ATXN2L: variants seen among roughly 807,000 people sequenced by gnomAD.
ATXN2L encodes ataxin-2-like protein.
In ATXN2L, 24 loss-of-function variants were observed where a neutral mutation model predicts 120.7. The observed-to-expected ratio is 0.20, with a 90% CI of 0.14 to 0.28. The LOEUF is 0.28. ATXN2L is among the 10% of genes least tolerant of loss of function. The probability of loss-of-function intolerance (pLI) is 1.00; values close to 1 mark genes in which losing one functional copy is unlikely to be tolerated. For missense variants in ATXN2L, 1,312 were observed against 1,432.3 expected, an observed-to-expected ratio of 0.92 and a Z score of 1.36; for synonymous variants, 653 against 568.1, an observed-to-expected ratio of 1.15 and a Z score of -2.13.
Position 28,823,526 on chromosome 16 carries a change from G to A in ATXN2L, c.267G>A (p.Glu89=). Residue 89 remains glutamate, a synonymous_variant, in exon 1 of 22, where the codon GAG becomes GAA. Transcript: ENST00000336783. Reference sequence around the variant, plus strand: ...CGCCGCCGCCGCAGCAACACCAGGAGAGGCCGGGGGCAGCCGCCATCGGCA... The same window carrying A: ...CGCCGCCGCCGCAGCAACACCAGGAAAGGCCGGGGGCAGCCGCCATCGGCA... ...PQPPPPQQHQ[E]RPGAAAIGSA... 7.2e-7 allele frequency: 1 copy of A among 1,386,742 alleles called. No individual in the cohort carries two copies. The highest frequency in any genetic ancestry group is 9.3e-7 in the Non-Finnish European group (1 of 1,073,254). 85.9% of individuals were successfully genotyped at this position (1,386,742 alleles called of 1,614,324 possible).
At position 28,823,494 on chromosome 16, in the gene ATXN2L, C is replaced by A; in HGVS notation, c.235C>A (p.Pro79Thr). The A allele has an allele frequency of 7.2e-7, 1 of 1,382,166 alleles. No homozygotes were observed. The highest frequency in any genetic ancestry group is 9.3e-7 in the Non-Finnish European group (1 of 1,070,788). The allele number at this position is 1,382,166 out of a possible 1,614,324, so 85.6% of individuals were successfully genotyped here. A position where few individuals can be genotyped will look rare whatever the true frequency, so the allele number is the denominator to read the frequency against. ...CCGGGGAGCCGAAGGCATCTTGGCG[C>A]CGCAGCCGCCGCCGCCGCAGCAACA... ...LRRGAEGILA[P>T]QPPPPQQHQE... The change falls in exon 1 of 22, where the codon CCG becomes ACG. Residue 79 changes from proline (P) to threonine (T), a missense_variant. Coordinates refer to ENST00000336783, the MANE Select transcript of ATXN2L (RefSeq NM_007245.4).
chr16:28,825,858 T>A lies in ATXN2L; in HGVS notation c.465+17T>A. On this transcript the variant is annotated intron_variant, in intron 4 of 21. Transcript: ENST00000336783. ...AGCTCAAAGGTCAGTGTACTCAAATTTAATTATTTTTGGAGTTGCAGAGTA... is the reference window on the plus strand; with the variant it reads ...AGCTCAAAGGTCAGTGTACTCAAATATAATTATTTTTGGAGTTGCAGAGTA... 1.2e-6 allele frequency: 2 copies of A among 1,605,932 alleles called. No homozygotes were observed. Among genetic ancestry groups the A allele is most frequent in the South Asian group, 2.2e-5 (2 of 90,864 alleles).
At chr16:28,823,757 G>A in intron 1 of ATXN2L, 199 bp downstream of exon 1, 1 of 481,602 alleles carries the variant, frequency 2.1e-6, no homozygotes, top group South Asian at 1.0e-4. Flanking sequence ...GCACTGAGGG[G>A]CCGCGCTCGG....
rs1372029502 is a variant in ATXN2L, at chr16:28,835,274, G to A, written c.2564-4G>A. 6.2e-7 allele frequency: 1 copy of A among 1,613,754 alleles called. No individual in the cohort carries two copies. The highest frequency in any genetic ancestry group is 1.1e-5 in the South Asian group (1 of 91,078). ...GCACTGGTTCTCCCTCTTTCCTGCTGCAGCCACTGTTCACCAGTCCTACCC... is the reference window on the plus strand; with the variant it reads ...GCACTGGTTCTCCCTCTTTCCTGCTACAGCCACTGTTCACCAGTCCTACCC... On this transcript the variant is annotated splice_polypyrimidine_tract_variant and splice_region_variant and intron_variant, in intron 19 of 21. Transcript: ENST00000336783.
intron 6 of ATXN2L, among the ~76,000 whole-genome samples, chr16:28,827,495 A>G (rs1596882574): frequency 6.6e-6 from 1 of 152,196 alleles, no homozygotes; most frequent in Admixed American, 6.5e-5. Flanking sequence ...CATTTGCATC[A>G]CGTTATTTTT....
At chr16:28,826,089 A>T in intron 4 of ATXN2L, 151 bp from the exon 5 acceptor site, 1 of 954,092 alleles carries the variant, frequency 1.0e-6, no homozygotes, top group Non-Finnish European at 1.6e-6. Flanking sequence ...AAAACAATGC[A>T]CTTGGTTCCA....
chr16:28,825,300 C>A, intron 1 of ATXN2L, 66 bp from the exon 2 acceptor site: 1 of 1,449,240 alleles, frequency 6.9e-7, no homozygotes, highest in Non-Finnish European at 9.7e-7. Flanking sequence ...TAGGATTTAA[C>A]ATTAATTTCA....
Position 28,832,555 on chromosome 16 carries a change from A to G in ATXN2L, c.1576A>G (p.Ile526Val), listed in dbSNP as rs1596945608. ...RTLEPQELAR[I>V]AGKVPGLQNE... ...TCTGGAGCCCCAGGAGCTGGCTCGG[A>G]TAGCTGGGAAAGGTGAGGGTGGTTT... is the stretch of plus-strand genomic sequence containing the variant. The change falls in exon 12 of 22, where the codon ATA (isoleucine) becomes GTA (valine). Residue 526 changes from isoleucine (I) to valine (V), a missense_variant. By Grantham distance (29) the Ile-to-Val change is conservative. Coordinates refer to ENST00000336783, the MANE Select transcript of ATXN2L (RefSeq NM_007245.4). 6.2e-7 allele frequency: 1 copy of G among 1,614,146 alleles called. No homozygotes were observed. Among genetic ancestry groups the G allele is most frequent in the Non-Finnish European group, 8.5e-7 (1 of 1,180,000 alleles).
chr16:28,826,617 G>T, intron 5 of ATXN2L: 1 of 590,278 alleles, frequency 1.7e-6, no homozygotes, highest in Non-Finnish European at 2.8e-6. Flanking sequence ...CTGTGTTGTG[G>T]TTCTTCATAT....
chr16:28,834,029 A>G, intron 15 of ATXN2L, 36 bp from the exon 16 acceptor site: 1 of 1,604,882 alleles, frequency 6.2e-7, no homozygotes, highest in East Asian at 2.2e-5. Context: ...TAGAGGGGAA[A>G]ATACAAAATA....
chr16:28,826,536 A>C, intron 5 of ATXN2L, 146 bp downstream of exon 5: 1 of 898,110 alleles, frequency 1.1e-6, no homozygotes, highest in Non-Finnish European at 1.7e-6. Context: ...TTTTTTCCTG[A>C]GCGAAGTGGG....
At chr16:28,824,083 G>T in intron 1 of ATXN2L, 1 of 1,005,336 alleles carries the variant, frequency 9.9e-7, no homozygotes, top group Non-Finnish European at 1.2e-6. Flanking sequence ...GTGGGCGGGG[G>T]GACGGAAGGA....
chr16:28,823,203 G>GC lies in ATXN2L; in HGVS notation c.-53dup, dbSNP rs1567387408. ...TCCCGCGCTCTCCAGCGGGGCCCCAGCCCCGGCCCCCTCTCTCCCTCCCTT... is the reference window on the plus strand; with the variant it reads ...TCCCGCGCTCTCCAGCGGGGCCCCAGCCCCCGGCCCCCTCTCTCCCTCCCTT... On this transcript the variant is annotated 5_prime_UTR_variant, in exon 1 of 22. Coordinates refer to ENST00000336783, the MANE Select transcript of ATXN2L (RefSeq NM_007245.4). 1.7e-6 allele frequency: 2 copies of GC among 1,185,048 alleles called. No homozygotes were observed. The highest frequency in any genetic ancestry group is 1.6e-5 in the African/African-American group (1 of 61,140). 73.4% of individuals were successfully genotyped at this position (1,185,048 alleles called of 1,614,324 possible). A position where few individuals can be genotyped will look rare whatever the true frequency, so the allele number is the denominator to read the frequency against.
At position 28,823,049 on chromosome 16, in the gene ATXN2L, G is replaced by T; in HGVS notation, c.-211G>T. On this transcript the variant is annotated 5_prime_UTR_variant, in exon 1 of 22. Transcript: ENST00000336783. ...GCTCGCGCCCTCTCGCTTTCCTCCA[G>T]CCGCGAGACCCCCTCCCCTTCCGCC... 3.2e-6 allele frequency: 1 copy of T among 312,316 alleles called. No homozygotes were observed. The highest frequency in any genetic ancestry group is 5.8e-6 in the Non-Finnish European group (1 of 173,478). The allele number at this position is 312,316 out of a possible 1,614,324, so 19.3% of individuals were successfully genotyped here.
intron 18 of ATXN2L, 30 bp from the exon 19 acceptor site, chr16:28,835,028 T>G: frequency 6.3e-7 from 1 of 1,596,528 alleles, no homozygotes; most frequent in Non-Finnish European, 8.5e-7. Context: ...CTGGCGGCTG[T>G]GCCAACCACT....
chr16:28,825,727 C>A (rs755160034), intron 3 of ATXN2L, 43 bp from the exon 4 acceptor site: 10 of 1,612,856 alleles, frequency 6.2e-6, no homozygotes, highest in Non-Finnish European at 8.5e-6. Context: ...CGTAATGCAT[C>A]TACTTTCTGG....
rs2152108364 is a variant in ATXN2L, at chr16:28,834,796, A to T, written c.2433+103A>T. ...GGCTAGGGGTGGCAGGCAGTGTTGTAGGTGGGATCGGCCCTCTGTGGTATT... is the reference window on the plus strand; with the variant it reads ...GGCTAGGGGTGGCAGGCAGTGTTGTTGGTGGGATCGGCCCTCTGTGGTATT... On this transcript the variant is annotated intron_variant, in intron 18 of 21. Transcript: ENST00000336783. The T allele has an allele frequency of 2.2e-6, 3 of 1,376,518 alleles. No individual in the cohort carries two copies. The Middle Eastern group carries it at 6.5e-4, about 297-fold the overall frequency. The allele number at this position is 1,376,518 out of a possible 1,614,324, so 85.3% of individuals were successfully genotyped here.
At chr16:28,826,140 G>GTAAGAGAAATCCAGTTCTATT (rs929937369) in intron 4 of ATXN2L, 100 bp from the exon 5 acceptor site, 152 of 1,456,346 alleles carry the variant, frequency 1.0e-4, no homozygotes, top group Non-Finnish European at 4.3e-5. Context: ...TTTGGGAAGG[G>GTAAGAGAAATCCAGTTCTATT]TAAGAGAAAT....
At chr16:28,829,141 C>T (rs1202562685) in intron 6 of ATXN2L, among the ~76,000 whole-genome samples, 4 of 151,908 alleles carry the variant, frequency 2.6e-5, no homozygotes, top group Non-Finnish European at 5.9e-5. Flanking sequence ...TAGCTAGGAC[C>T]CCAGGCATGC....
Sources: allele counts gnomAD v4.1 joint callset (sites outside exome capture counted in the v4.1 genomes callset), GRCh38; gene constraint gnomAD v4.1.1; transcripts MANE v1.5; gene names NCBI Gene and HGNC (gene_info 2026-07-23, HGNC 2026-07-21).